SAMMSON: variants seen among roughly 807,000 people sequenced by gnomAD.
The protein encoded by SAMMSON is long intergenic non-protein coding RNA 1212.
At chr3:70,042,123 T>C (rs911574208) in intron 3 of SAMMSON, among the ~76,000 whole-genome samples, 1 of 152,134 alleles carries the variant, frequency 6.6e-6, no homozygotes, top group Non-Finnish European at 1.5e-5. Context: ...TTTTTACAAA[T>C]GGTTGCACAT....
chr3:70,052,002 G>A (rs1041383457), intron 3 of SAMMSON, among the ~76,000 whole-genome samples: 2 of 152,086 alleles, frequency 1.3e-5, no homozygotes, highest in African/African-American at 2.4e-5. Context: ...AGAGGCTGAG[G>A]TGAGAGGATC....
chr3:70,089,319 G>A (rs1038072796), intron 4 of SAMMSON, among the ~76,000 whole-genome samples: 1 of 152,110 alleles, frequency 6.6e-6, no homozygotes, highest in African/African-American at 2.4e-5. Context: ...GGTTCTCTGT[G>A]CTTAATATGC....
intron 7 of SAMMSON, among the ~76,000 whole-genome samples, chr3:70,312,293 G>A (rs960689398): frequency 1.1e-4 from 16 of 152,186 alleles, no homozygotes; most frequent in Non-Finnish European, 1.6e-4. Flanking sequence ...ACATTCAGTA[G>A]CTGTTTTAGT....
chr3:70,303,297 G>A (rs1322321032), intron 7 of SAMMSON, among the ~76,000 whole-genome samples: 1 of 152,076 alleles, frequency 6.6e-6, no homozygotes, highest in Non-Finnish European at 1.5e-5. Flanking sequence ...TAGCATTATG[G>A]TGCTGGCAGT....
intron 9 of SAMMSON, among the ~76,000 whole-genome samples, chr3:70,383,993 A>T (rs1158130920): frequency 6.6e-6 from 1 of 151,898 alleles, no homozygotes; most frequent in Non-Finnish European, 1.5e-5. Flanking sequence ...TTTACCCTGG[A>T]TGTCCTTGGT....
chr3:70,260,515 G>C (rs1701856050), intron 6 of SAMMSON, among the ~76,000 whole-genome samples: 1 of 152,034 alleles, frequency 6.6e-6, no homozygotes, highest in African/African-American at 2.4e-5. Flanking sequence ...TTCTGATTGT[G>C]TTAAGTCAAG....
rs1045850285 is a variant in SAMMSON at position 70,018,219 on chromosome 3, T to G, written n.417+4547T>G. ...GCTGTGAATCCATCTGGTTCTGGAC[T>G]TTTTTTGTTGGTAAACTATTAATTA... On this transcript the variant is annotated intron_variant and non_coding_transcript_variant, in intron 3 of 9. Coordinates refer to ENST00000642114, the Ensembl canonical transcript of SAMMSON. Among the ~76,000 whole-genome samples the G allele has an allele frequency of 8.5e-5, 13 of 152,212 alleles. 1 individual carries two copies. The highest frequency in any genetic ancestry group is 3.1e-4 in the African/African-American group (13 of 41,538).
intron 4 of SAMMSON, among the ~76,000 whole-genome samples, chr3:70,092,903 T>TG (rs2067309929): frequency 8.5e-5 from 1 of 11,832 alleles, no homozygotes; most frequent in Non-Finnish European, 2.5e-4. Context: ...AGTGTTTTTG[T>TG]TTTTTTTTTT....
At chr3:70,002,875 T>C (rs539020512) in intron 1 of SAMMSON, among the ~76,000 whole-genome samples, 42 of 152,166 alleles carry the variant, frequency 2.8e-4, no homozygotes, top group Non-Finnish European at 4.9e-4. Flanking sequence ...TTGGGTTTGC[T>C]AGTTGTGTTC....
chr3:70,236,090 T>G (rs1358300277), intron 4 of SAMMSON, among the ~76,000 whole-genome samples: 1 of 152,260 alleles, frequency 6.6e-6, no homozygotes, highest in East Asian at 1.9e-4. Context: ...TTTAGCTCTC[T>G]TCACTCTTTC....
At chr3:70,001,878 C>T (rs930383095) in intron 1 of SAMMSON, among the ~76,000 whole-genome samples, 1 of 152,124 alleles carries the variant, frequency 6.6e-6, no homozygotes, top group Non-Finnish European at 1.5e-5. Flanking sequence ...CTAGGGTAGC[C>T]GATTCCTGTT....
At chr3:70,352,025 G>T (rs1702798200) in intron 7 of SAMMSON, among the ~76,000 whole-genome samples, 2 of 151,708 alleles carry the variant, frequency 1.3e-5, no homozygotes, top group South Asian at 4.2e-4. Flanking sequence ...TAATATTCAT[G>T]TCTTTGGAGT....
At chr3:70,279,376 G>T (rs969542897) in intron 6 of SAMMSON, among the ~76,000 whole-genome samples, 1 of 152,028 alleles carries the variant, frequency 6.6e-6, no homozygotes, top group Admixed American at 6.6e-5. Context: ...ATGGTCATTT[G>T]ATTAACTACA....
At chr3:70,190,827 A>G (rs1259498148) in intron 4 of SAMMSON, among the ~76,000 whole-genome samples, 2 of 152,178 alleles carry the variant, frequency 1.3e-5, no homozygotes, top group Non-Finnish European at 2.9e-5. Flanking sequence ...TCCCAGGGGC[A>G]GTTTTACAAA....
chr3:70,222,293 T>C (rs1362031710), intron 4 of SAMMSON, among the ~76,000 whole-genome samples: 3 of 152,232 alleles, frequency 2.0e-5, no homozygotes, highest in African/African-American at 7.2e-5. Flanking sequence ...CTTCAGGTCC[T>C]CTACTTTGGA....
At chr3:70,281,309 A>C (rs915170315) in intron 6 of SAMMSON, among the ~76,000 whole-genome samples, 45 of 152,166 alleles carry the variant, frequency 3.0e-4, no homozygotes, top group African/African-American at 1.1e-3. Context: ...ACAGGAAGGC[A>C]TTCAGGAACC....
chr3:70,331,422 G>A (rs757678384), intron 7 of SAMMSON, among the ~76,000 whole-genome samples: 1 of 152,038 alleles, frequency 6.6e-6, no homozygotes, highest in Non-Finnish European at 1.5e-5. Flanking sequence ...ACAAGAGTTG[G>A]GGCCACCTGA....
At position 70,407,726 on chromosome 3, in the gene SAMMSON, G is replaced by A. The variant is rs778290844; in HGVS notation, n.233+49402G>A. 1.0e-3 allele frequency among the ~76,000 whole-genome samples: 153 copies of A among 152,286 alleles called. 1 individual carries two copies. The highest frequency in any genetic ancestry group is 1.8e-3 in the Admixed American group (28 of 15,300). On this transcript the variant is annotated intron_variant and non_coding_transcript_variant, in intron 2 of 3. Transcript: ENST00000641053. ...CATTGAGTGTTTGCAGCTTTTCCAGGTGAATGGTGCAAGCTGTAGGTGGAT... is the reference window on the plus strand; with the variant it reads ...CATTGAGTGTTTGCAGCTTTTCCAGATGAATGGTGCAAGCTGTAGGTGGAT...
chr3:70,072,629 A>G (rs1214548890), intron 4 of SAMMSON: 2 of 144,992 alleles, frequency 1.4e-5, no homozygotes, highest in Admixed American at 7.1e-5. Flanking sequence ...AAAAGGGGGG[A>G]AAATAGAACA....
Sources: allele counts gnomAD v4.1 joint callset (sites outside exome capture counted in the v4.1 genomes callset), GRCh38; gene constraint gnomAD v4.1.1; transcripts MANE v1.5; gene names NCBI Gene and HGNC (gene_info 2026-07-23, HGNC 2026-07-21).